Variants in EML4 observed in about 807,000 individuals in gnomAD.
EML4 encodes the protein EMAP like 4, also known as echinoderm microtubule-associated protein-like 4.
In EML4, 72 loss-of-function variants were observed where a neutral mutation model predicts 129.0. The observed-to-expected ratio is 0.56, with a 90% CI of 0.46 to 0.68. The LOEUF is 0.68. Among genes scored for constraint, EML4 ranks in the 30% least tolerant of loss-of-function variants. The pLI is 0.00. For synonymous variants in EML4, 532 were observed against 405.0 expected, an observed-to-expected ratio of 1.31 and a Z score of -3.77; for missense variants, 1,363 against 1,190.6, an observed-to-expected ratio of 1.14 and a Z score of -2.13.
At chr2:42,169,889 C>T in intron 1 of EML4, 2 of 414,144 alleles carry the variant, frequency 4.8e-6, no homozygotes, top group South Asian at 1.0e-4. Context: ...CTCGTTCCCC[C>T]AAAGTGGGAA....
intron 1 of EML4, among the ~76,000 whole-genome samples, chr2:42,177,308 A>G (rs1342298038): frequency 6.6e-6 from 1 of 151,970 alleles, no homozygotes; most frequent in African/African-American, 2.4e-5. Context: ...GTAATACACA[A>G]TCTCAGAATA....
chr2:42,301,422 T>A, intron 14 of EML4, 30 bp downstream of exon 14: 1 of 1,549,894 alleles, frequency 6.5e-7, no homozygotes, highest in East Asian at 2.3e-5. Flanking sequence ...ATAAAAATAT[T>A]AAATACTCTA....
Position 42,315,860 on chromosome 2 carries a change from G to A in EML4, c.1968-102G>A, listed in dbSNP as rs1669216705. On this transcript the variant is annotated intron_variant, in intron 17 of 22. Transcript: ENST00000318522. ...ATCACTCCATGCACACCAGCGTTAT[G>A]ACAAAGCAAGACTCCATCTCAAAAA... 4.9e-6 allele frequency: 4 copies of A among 811,004 alleles called. No individual in the cohort carries two copies. In the East Asian group the frequency reaches 1.0e-4, roughly 21 times the overall value. The allele number at this position is 811,004 out of a possible 1,614,324, so 50.2% of individuals were successfully genotyped here. A position where few individuals can be genotyped will look rare whatever the true frequency, so the allele number is the denominator to read the frequency against.
intron 1 of EML4, among the ~76,000 whole-genome samples, chr2:42,243,508 A>G (rs918309073): frequency 1.3e-5 from 2 of 152,212 alleles, no homozygotes; most frequent in African/African-American, 4.8e-5. Context: ...TACATATCCT[A>G]GGCACACCCT....
At chr2:42,312,820 T>TG (rs1669035814) in intron 17 of EML4, among the ~76,000 whole-genome samples, 1 of 151,890 alleles carries the variant, frequency 6.6e-6, no homozygotes, top group Non-Finnish European at 1.5e-5. Flanking sequence ...CTGAAAGTGC[T>TG]GGGATTACAG....
At chr2:42,296,209 G>A (rs1667942502) in intron 13 of EML4, among the ~76,000 whole-genome samples, 1 of 152,084 alleles carries the variant, frequency 6.6e-6, no homozygotes, top group Admixed American at 6.6e-5. Context: ...AGAGTAGGAG[G>A]TTCTAAGAGA....
In EML4 at chr2:42,331,565, C is replaced by T. The variant is rs1380170759; in HGVS notation, c.*1358C>T. 1.8e-5 allele frequency: 4 copies of T among 223,254 alleles called. No homozygotes were observed. The highest frequency in any genetic ancestry group is 3.6e-5 in the Non-Finnish European group (4 of 111,680). The allele number at this position is 223,254 out of a possible 1,614,324, so 13.8% of individuals were successfully genotyped here. ...ACTTGCTGCATTGTTTTGATACTTT[C>T]TATTTTTTTGGTCAAATCATGTTTA... On this transcript the variant is annotated 3_prime_UTR_variant, in exon 23 of 23. Coordinates refer to ENST00000318522, the MANE Select transcript of EML4 (RefSeq NM_019063.5).
intron 1 of EML4, among the ~76,000 whole-genome samples, chr2:42,212,476 A>ATT (rs200482527): frequency 2.0e-5 from 3 of 148,384 alleles, no homozygotes; most frequent in East Asian, 3.9e-4. Flanking sequence ...TCGGCAGTAG[A>ATT]TTTTTTTTTT....
At chr2:42,278,755 G>A (rs749852350) in intron 6 of EML4, among the ~76,000 whole-genome samples, 10 of 151,836 alleles carry the variant, frequency 6.6e-5, no homozygotes, top group Admixed American at 1.3e-4. Flanking sequence ...CCAACATGGT[G>A]AAACCCCATC....
chr2:42,265,669 C>A (rs1412188117), intron 6 of EML4, among the ~76,000 whole-genome samples: 1 of 106,256 alleles, frequency 9.4e-6, no homozygotes, highest in Non-Finnish European at 2.0e-5. Context: ...AAAGTTTTAC[C>A]TAGAAATAAA....
chr2:42,299,616 T>C (rs1317990352), intron 13 of EML4, among the ~76,000 whole-genome samples: 2 of 152,226 alleles, frequency 1.3e-5, no homozygotes, highest in African/African-American at 4.8e-5. Context: ...TTGATGACAT[T>C]TCATATAAAT....
intron 7 of EML4, among the ~76,000 whole-genome samples, 196 bp downstream of exon 7, chr2:42,281,169 G>A (rs758140574): frequency 7.9e-5 from 12 of 151,970 alleles, no homozygotes; most frequent in Non-Finnish European, 1.6e-4. Flanking sequence ...CGAGGCAGGC[G>A]GATCACAAAG....
At chr2:42,245,170 C>T (rs1378820281) in intron 1 of EML4, among the ~76,000 whole-genome samples, 9 of 132,606 alleles carry the variant, frequency 6.8e-5, no homozygotes, top group Non-Finnish European at 1.2e-4. Context: ...TCTCAGCTCA[C>T]TGCACCCTCC....
chr2:42,260,702 A>G (rs1475778639), intron 3 of EML4, among the ~76,000 whole-genome samples: 4 of 152,014 alleles, frequency 2.6e-5, no homozygotes, highest in Admixed American at 1.3e-4. Flanking sequence ...AAGTATACAG[A>G]AAAAAAACAG....
intron 1 of EML4, among the ~76,000 whole-genome samples, chr2:42,225,974 A>C (rs1024486193): frequency 6.6e-6 from 1 of 152,150 alleles, no homozygotes; most frequent in African/African-American, 2.4e-5. Context: ...ACATCTAAAA[A>C]TTTGTTTTAT....
Position 42,330,572 on chromosome 2 carries a change from G to C in EML4, c.*365G>C, listed in dbSNP as rs1280229665. ...AACATGTTTTCTTCAGGAACAACCA[G>C]AGGTATCACAAACACTGTTACTCAT... On this transcript the variant is annotated 3_prime_UTR_variant, in exon 23 of 23. Coordinates refer to ENST00000318522, the MANE Select transcript of EML4 (RefSeq NM_019063.5). 1 of 421,114 alleles carries C rather than the reference G, an allele frequency of 2.4e-6. No individual in the cohort carries two copies. Among genetic ancestry groups the C allele is most frequent in the Non-Finnish European group, 4.5e-6 (1 of 223,778 alleles). 26.1% of individuals were successfully genotyped at this position (421,114 alleles called of 1,614,324 possible).
chr2:42,286,292 G>A lies in EML4; in HGVS notation c.1035G>A (p.Val345=). The A allele has an allele frequency of 6.2e-7, 1 of 1,613,668 alleles. No individual in the cohort carries two copies. The highest frequency in any genetic ancestry group is 8.5e-7 in the Non-Finnish European group (1 of 1,179,568). The change falls in exon 10 of 23, where the codon GTG becomes GTA. Residue 345 remains valine, a synonymous_variant. Transcript: ENST00000318522. The part of the protein sequence containing the change: ...DGRPLQPHVR[V]WDSVTLSTLQ... The stretch of plus-strand genomic sequence containing the variant: ...AGCCTCTACAACCCCACGTCAGAGT[G>A]TGGGATTCTGTTACTCTATCCACAC...
intron 1 of EML4, among the ~76,000 whole-genome samples, chr2:42,235,674 G>T (rs1674627088): frequency 6.6e-6 from 1 of 152,022 alleles, no homozygotes; most frequent in Admixed American, 6.6e-5. Context: ...TTGTTCTTGG[G>T]ATGATATTAT....
At chr2:42,185,710 A>G (rs755122915) in intron 1 of EML4, among the ~76,000 whole-genome samples, 8 of 152,170 alleles carry the variant, frequency 5.3e-5, no homozygotes, top group African/African-American at 1.2e-4. Flanking sequence ...TTGGGCCTGA[A>G]GCTGTTGGGG....
Sources: allele counts gnomAD v4.1 joint callset (sites outside exome capture counted in the v4.1 genomes callset), GRCh38; gene constraint gnomAD v4.1.1; transcripts MANE v1.5; gene names NCBI Gene and HGNC (gene_info 2026-07-23, HGNC 2026-07-21).